NMT2: variants seen among roughly 807,000 people sequenced by gnomAD.
NMT2 encodes glycylpeptide N-tetradecanoyltransferase 2.
Under a neutral mutation model 65.4 loss-of-function variants are expected in NMT2, and 35 were observed. That is an observed-to-expected ratio of 0.54 (90% confidence interval 0.41 to 0.71). The LOEUF is 0.71. Ranked by LOEUF, NMT2 falls within the 30% of genes least tolerant of loss-of-function variation. The probability of loss-of-function intolerance (pLI) is 0.00; values close to 1 mark genes in which losing one functional copy is unlikely to be tolerated. For missense variants in NMT2, 489 were observed against 611.3 expected, an observed-to-expected ratio of 0.80 and a Z score of 2.11; for synonymous variants, 226 against 231.8, an observed-to-expected ratio of 0.98 and a Z score of 0.23.
At chr10:15,120,883 C>A (rs997464428) in intron 8 of NMT2, among the ~76,000 whole-genome samples, 2 of 152,168 alleles carry the variant, frequency 1.3e-5, no homozygotes, top group African/African-American at 4.8e-5. Context: ...GCCACATCTT[C>A]TGGGTAAAGG....
intron 2 of NMT2, chr10:15,139,634 C>T (rs775927301): frequency 7.9e-5 from 12 of 151,548 alleles, no homozygotes; most frequent in Non-Finnish European, 1.2e-4. Context: ...ATTTATTACC[C>T]GAGAACCAAG....
At position 15,108,969 on chromosome 10, in the gene NMT2, C is replaced by CG. The variant is rs2131454176; in HGVS notation, c.*225_*226insC. 1 of 1,309,202 alleles carries CG rather than the reference C, an allele frequency of 7.6e-7. No individual in the cohort carries two copies. Among genetic ancestry groups the CG allele is most frequent in the South Asian group, 1.8e-5 (1 of 55,268 alleles). 81.1% of individuals were successfully genotyped at this position (1,309,202 alleles called of 1,614,324 possible). On this transcript the variant is annotated 3_prime_UTR_variant, in exon 12 of 12. Coordinates refer to ENST00000378165, the MANE Select transcript of NMT2 (RefSeq NM_004808.3). ...ATTACAAGAATGTGCTCTTTGTAGC[C>CG]TTTCATCCCTCCCACAAATAGGTCA...
At position 15,127,007 on chromosome 10, in the gene NMT2, C is replaced by T. The variant is rs190165830; in HGVS notation, c.999+1343G>A. ...CAGGACTTTGGGAGGCCAAGGCAGG[C>T]GGATCACAAGGTCAGGAGTTCAAGA... On this transcript the variant is annotated intron_variant, in intron 8 of 11. Coordinates refer to ENST00000378165, the MANE Select transcript of NMT2 (RefSeq NM_004808.3). 6.5e-3 allele frequency among the ~76,000 whole-genome samples: 988 copies of T among 152,092 alleles called. 35 individuals are homozygous for T. Among genetic ancestry groups the T allele is most frequent in the Admixed American group, 0.057 (876 of 15,272 alleles).
In NMT2 at chr10:15,116,755, G is replaced by T. The variant is rs114974260; in HGVS notation, c.1170+2588C>A. Among the ~76,000 whole-genome samples the T allele has an allele frequency of 3.6e-3, 541 of 151,082 alleles. 3 individuals carry two copies. The highest frequency in any genetic ancestry group is 0.013 in the African/African-American group (512 of 40,690). Reference sequence around the variant, plus strand: ...AAGAGATATCAGTACAGATCCCACAGCCACTAAAAGGATAACAAGGGAATA... The same window carrying T: ...AAGAGATATCAGTACAGATCCCACATCCACTAAAAGGATAACAAGGGAATA... On this transcript the variant is annotated intron_variant, in intron 9 of 11. Coordinates refer to ENST00000378165, the MANE Select transcript of NMT2 (RefSeq NM_004808.3).
intron 1 of NMT2, among the ~76,000 whole-genome samples, chr10:15,163,277 C>A (rs1319472637): frequency 6.6e-6 from 1 of 152,100 alleles, no homozygotes; most frequent in Admixed American, 6.6e-5. Flanking sequence ...AAGAAAACAA[C>A]AATCAATTTC....
chr10:15,142,494 G>A (rs771027440), intron 1 of NMT2, among the ~76,000 whole-genome samples: 2 of 152,176 alleles, frequency 1.3e-5, no homozygotes, highest in African/African-American at 2.4e-5. Flanking sequence ...CCTGGGAGAC[G>A]GAGGTTGCAG....
At chr10:15,133,966 G>A (rs1211531444) in intron 3 of NMT2, among the ~76,000 whole-genome samples, 1 of 152,130 alleles carries the variant, frequency 6.6e-6, no homozygotes, top group Admixed American at 6.5e-5. Flanking sequence ...CAGTGATTCC[G>A]AGTCTCAAGG....
intron 8 of NMT2, among the ~76,000 whole-genome samples, chr10:15,121,436 C>T (rs1270178714): frequency 1.3e-5 from 2 of 152,148 alleles, no homozygotes; most frequent in Admixed American, 6.5e-5. Context: ...GGTGCGATCT[C>T]GGTTCACTGC....
intron 8 of NMT2, among the ~76,000 whole-genome samples, chr10:15,122,908 A>G (rs1298060747): frequency 1.3e-5 from 2 of 152,002 alleles, no homozygotes; most frequent in Non-Finnish European, 2.9e-5. Context: ...AAAAAATTAC[A>G]TACTAGTGTT....
chr10:15,130,938 C>T (rs779159641), intron 6 of NMT2, among the ~76,000 whole-genome samples: 15 of 151,704 alleles, frequency 9.9e-5, no homozygotes, highest in Non-Finnish European at 1.8e-4. Flanking sequence ...TACAGGTGCA[C>T]GCCACCATGC....
chr10:15,128,396 C>T lies in NMT2; in HGVS notation c.953G>A (p.Arg318Lys). ...CATTGTTCTCTGTAAAGTCATATTT[C>T]TACTCAAGTGAGAAAATTTCACTTC... ...LVEVKFSHLS[R>K]NMTLQRTMKL... The change falls in exon 8 of 12, where the codon AGA (arginine) becomes AAA (lysine). Residue 318 changes from arginine to lysine, a missense_variant. Coordinates refer to ENST00000378165, the MANE Select transcript of NMT2 (RefSeq NM_004808.3). 1 of 1,611,022 alleles carries T rather than the reference C, an allele frequency of 6.2e-7. No homozygotes were observed. Among genetic ancestry groups the T allele is most frequent in the East Asian group, 2.2e-5 (1 of 44,850 alleles).
intron 1 of NMT2, among the ~76,000 whole-genome samples, chr10:15,146,816 G>C (rs1442300311): frequency 6.6e-6 from 1 of 152,200 alleles, no homozygotes; most frequent in Non-Finnish European, 1.5e-5. Flanking sequence ...CATCGGGCTG[G>C]GTGCAGCGGC....
intron 2 of NMT2, chr10:15,140,883 T>C: frequency 9.2e-7 from 1 of 1,081,264 alleles, no homozygotes; most frequent in South Asian, 1.4e-5. Flanking sequence ...ACTTCTGGTT[T>C]GGTTTAAACT....
intron 7 of NMT2, among the ~76,000 whole-genome samples, chr10:15,128,953 A>G (rs1846185884): frequency 6.6e-6 from 1 of 152,206 alleles, no homozygotes; most frequent in Non-Finnish European, 1.5e-5. Context: ...TGCAGCAGTA[A>G]GCCGAGATCA....
intron 1 of NMT2, among the ~76,000 whole-genome samples, chr10:15,157,503 A>G (rs1833042884): frequency 6.6e-6 from 1 of 152,142 alleles, no homozygotes; most frequent in African/African-American, 2.4e-5. Context: ...GGAACTCTGA[A>G]TGATGGTGAT....
At chr10:15,157,641 T>C (rs1278393884) in intron 1 of NMT2, among the ~76,000 whole-genome samples, 4 of 152,130 alleles carry the variant, frequency 2.6e-5, no homozygotes, top group Admixed American at 6.5e-5. Context: ...TGTTACTAAG[T>C]ACACTGATGC....
At chr10:15,149,340 TCAC>T (rs1273638002) in intron 1 of NMT2, among the ~76,000 whole-genome samples, 5 of 134,342 alleles carry the variant, frequency 3.7e-5, no homozygotes, top group African/African-American at 1.1e-4. Flanking sequence ...CACATCATCA[TCAC>T]CACCATCATC....
intron 11 of NMT2, 60 bp from the exon 12 acceptor site, chr10:15,109,275 A>G (rs1845424196): frequency 6.3e-7 from 1 of 1,578,982 alleles, no homozygotes; most frequent in African/African-American, 1.4e-5. Context: ...AGTACAATAG[A>G]TCTGTCTTTC....
At chr10:15,123,265 T>C (rs1006884590) in intron 8 of NMT2, among the ~76,000 whole-genome samples, 18 of 152,150 alleles carry the variant, frequency 1.2e-4, no homozygotes, top group African/African-American at 4.3e-4. Flanking sequence ...AATGAAATAC[T>C]GCCAGGCACG....
Sources: gnomAD v4.1 joint callset for allele counts (sites outside exome capture counted in the v4.1 genomes callset) on GRCh38, gnomAD v4.1.1 for gene constraint, MANE v1.5 for transcripts, NCBI Gene and HGNC (gene_info 2026-07-23, HGNC 2026-07-21) for gene names.